Variants in CHST9 observed in about 807,000 individuals in gnomAD.
The protein encoded by CHST9 is GalNAc-4-sulfotransferase 2.
A neutral mutation model predicts 44.4 loss-of-function variants in CHST9; 41 were observed. That is an observed-to-expected ratio of 0.92 (90% CI 0.72 to 1.20). The LOEUF is 1.20. Ranked by LOEUF, CHST9 falls within the 50% of genes most tolerant of loss-of-function variation. The pLI is 0.00. For missense variants in CHST9, 504 were observed against 516.5 expected, an observed-to-expected ratio of 0.98 and a Z score of 0.23; for synonymous variants, 171 against 178.4, an observed-to-expected ratio of 0.96 and a Z score of 0.33.
chr18:27,124,514 A>G (rs1257772529), intron 2 of CHST9, among the ~76,000 whole-genome samples: 3 of 152,216 alleles, frequency 2.0e-5, no homozygotes, highest in Non-Finnish European at 4.4e-5. Context: ...CAGAAACAGA[A>G]TTAAAACCCA....
At position 27,078,552 on chromosome 18, in the gene CHST9, GAT is replaced by G. The variant is rs538653498; in HGVS notation, c.122-30051_122-30050del. Among the ~76,000 whole-genome samples, 29 of 152,216 alleles carry G rather than the reference GAT, an allele frequency of 1.9e-4. No homozygotes were observed. In the South Asian group the frequency reaches 6.0e-3, roughly 32 times the overall value. The stretch of plus-strand genomic sequence containing the variant: ...TCTTAAAAACAAGGTTGTCCTGGTA[GAT>G]ACTATTTTATTACACAAGAAAAAAC... On this transcript the variant is annotated intron_variant, in intron 2 of 5. Transcript: ENST00000618847.
chr18:27,021,876 G>A (rs2057230720), intron 4 of CHST9, among the ~76,000 whole-genome samples: 1 of 152,140 alleles, frequency 6.6e-6, no homozygotes, highest in Non-Finnish European at 1.5e-5. Context: ...CTGCTTACAG[G>A]TACAATAATC....
intron 2 of CHST9, among the ~76,000 whole-genome samples, chr18:27,094,555 G>T (rs9959345): frequency 0.038 from 5,708 of 152,184 alleles, 338 homozygotes; most frequent in African/African-American, 0.13. Context: ...ATAATGTGCA[G>T]TTACATGAAA....
chr18:27,107,254 TCCGC>T (rs2058229781), intron 2 of CHST9, among the ~76,000 whole-genome samples: 1 of 152,210 alleles, frequency 6.6e-6, no homozygotes, highest in African/African-American at 2.4e-5. Flanking sequence ...TACTGAAGTT[TCCGC>T]CAGTGGTATC....
intron 2 of CHST9, among the ~76,000 whole-genome samples, chr18:27,100,878 T>C (rs1182438394): frequency 6.6e-6 from 1 of 152,246 alleles, no homozygotes; most frequent in Non-Finnish European, 1.5e-5. Flanking sequence ...CATGATGGTA[T>C]AGTCCACAGT....
intron 2 of CHST9, among the ~76,000 whole-genome samples, chr18:27,122,290 G>T (rs2058380911): frequency 6.6e-6 from 1 of 152,156 alleles, no homozygotes; most frequent in African/African-American, 2.4e-5. Flanking sequence ...TCCACTAAAT[G>T]AAACAACCTT....
At chr18:27,090,775 T>C (rs2058060551) in intron 2 of CHST9, among the ~76,000 whole-genome samples, 2 of 152,218 alleles carry the variant, frequency 1.3e-5, no homozygotes, top group African/African-American at 4.8e-5. Flanking sequence ...GTGTTATTTC[T>C]GAGGCCTCTG....
chr18:27,106,434 A>C (rs984011989), intron 2 of CHST9, among the ~76,000 whole-genome samples: 8 of 152,212 alleles, frequency 5.3e-5, no homozygotes, highest in African/African-American at 1.9e-4. Context: ...TTCGCCTACT[A>C]GCCCAACCAA....
intron 2 of CHST9, among the ~76,000 whole-genome samples, chr18:27,052,050 CT>C (rs541181552): frequency 2.0e-5 from 3 of 151,784 alleles, no homozygotes; most frequent in Non-Finnish European, 1.5e-5. Context: ...AAAGGTGCAA[CT>C]TTTTTTTATG....
Position 27,142,775 on chromosome 18 carries a change from T to A in CHST9, c.35A>T (p.Gln12Leu). Reference sequence around the variant, plus strand: ...AAATATCAGCACAGAGAGGAAGACTTGTTTGGGGTTCATGACCATTTCAGA... The same window carrying A: ...AAATATCAGCACAGAGAGGAAGACTAGTTTGGGGTTCATGACCATTTCAGA... The part of the protein sequence containing the change: ...QPSEMVMNPK[Q>L]VFLSVLIFGV... Residue 12 changes from glutamine (Q) to leucine (L), a missense_variant, in exon 2 of 6, where the codon CAA becomes CTA. Transcript: ENST00000618847. 1 of 1,611,382 alleles carries A rather than the reference T, an allele frequency of 6.2e-7. No homozygotes were observed. Among genetic ancestry groups the A allele is most frequent in the Non-Finnish European group, 8.5e-7 (1 of 1,178,700 alleles).
chr18:27,143,594 AT>A (rs199557832), intron 1 of CHST9, among the ~76,000 whole-genome samples: 118 of 135,624 alleles, frequency 8.7e-4, no homozygotes, highest in African/African-American at 2.7e-3. Flanking sequence ...TTAACCTTTT[AT>A]TTTTTTTAAA....
chr18:27,177,349 A>G (rs528725573), intron 1 of CHST9, among the ~76,000 whole-genome samples: 2 of 151,998 alleles, frequency 1.3e-5, no homozygotes, highest in Non-Finnish European at 2.9e-5. Context: ...TCATTAAAGT[A>G]TATAATCAAC....
intron 2 of CHST9, among the ~76,000 whole-genome samples, chr18:27,102,579 T>C (rs2058184411): frequency 6.6e-6 from 1 of 152,252 alleles, no homozygotes; most frequent in Admixed American, 6.5e-5. Context: ...TCTTATTCAG[T>C]TAACAATGTG....
chr18:27,147,946 G>GGT (rs1458856541), intron 1 of CHST9, among the ~76,000 whole-genome samples: 7 of 150,554 alleles, frequency 4.6e-5, no homozygotes, highest in African/African-American at 1.7e-4. Context: ...TTGTTGTACA[G>GGT]ATTATTTTGT....
Position 26,917,124 on chromosome 18 carries a change from T to G in CHST9, c.467A>C (p.His156Pro), listed in dbSNP as rs772074033. Residue 156 changes from histidine to proline, a missense_variant, in exon 6 of 6, where the codon CAC becomes CCC. His to Pro is a moderately conservative substitution (Grantham distance 77). Coordinates refer to ENST00000618847, the MANE Select transcript of CHST9 (RefSeq NM_031422.6). Reference sequence around the variant, plus strand: ...TTTGACTAAACTTTTGTTTAAAGGGTGAATGTCCACTGGCCAATTCATGTT... The same window carrying G: ...TTTGACTAAACTTTTGTTTAAAGGGGGAATGTCCACTGGCCAATTCATGTT... ...FSNMNWPVDI[H>P]PLNKSLVKDN... The G allele has an allele frequency of 6.2e-7, 1 of 1,613,952 alleles. No homozygotes were observed. Among genetic ancestry groups the G allele is most frequent in the South Asian group, 1.1e-5 (1 of 91,082 alleles).
intron 2 of CHST9, among the ~76,000 whole-genome samples, chr18:27,096,904 A>G (rs2058122457): frequency 6.6e-6 from 1 of 151,798 alleles, no homozygotes. Flanking sequence ...ATCAAGGAGA[A>G]ACTCTTCTCC....
chr18:26,984,856 TAGTG>T (rs1040109972), intron 4 of CHST9, among the ~76,000 whole-genome samples: 6 of 152,086 alleles, frequency 3.9e-5, no homozygotes, highest in African/African-American at 1.4e-4. Flanking sequence ...TGCCAAGTGT[TAGTG>T]AGGGTATAGA....
chr18:27,145,092 G>T lies in CHST9; in HGVS notation c.-96-2187C>A, dbSNP rs577597784. On this transcript the variant is annotated intron_variant, in intron 1 of 5. Coordinates refer to ENST00000618847, the MANE Select transcript of CHST9 (RefSeq NM_031422.6). ...TATTAAGTAATTAGAATGATTTCTT[G>T]ATTAGAAAAAAAAACCCACCAAATA... 3.9e-5 allele frequency among the ~76,000 whole-genome samples: 6 copies of T among 152,082 alleles called. No homozygotes were observed. In the East Asian group the frequency reaches 1.2e-3, roughly 29 times the overall value.
At chr18:27,176,567 A>C (rs1308199509) in intron 1 of CHST9, among the ~76,000 whole-genome samples, 1 of 152,034 alleles carries the variant, frequency 6.6e-6, no homozygotes, top group Non-Finnish European at 1.5e-5. Context: ...TTTGATTTTG[A>C]CATGTTTCAT....
Sources: gnomAD v4.1 joint callset for allele counts (sites outside exome capture counted in the v4.1 genomes callset) on GRCh38, gnomAD v4.1.1 for gene constraint, MANE v1.5 for transcripts, NCBI Gene and HGNC (gene_info 2026-07-23, HGNC 2026-07-21) for gene names.